Variants in CLCN4 observed in about 807,000 individuals in gnomAD.
CLCN4 encodes Cl-/H+ antiporter 4.
A neutral mutation model predicts 41.7 loss-of-function variants in CLCN4; 1 was observed. The ratio of observed to expected loss-of-function variants is 0.02; its 90% CI spans 0.01 to 0.11. CLCN4 has a LOEUF of 0.11. Ranked by LOEUF, CLCN4 falls within the 10% of genes least tolerant of loss-of-function variation. The pLI, the probability that CLCN4 is intolerant of heterozygous loss-of-function variation, is 1.00. For missense variants in CLCN4, 287 were observed against 661.0 expected, an observed-to-expected ratio of 0.43 and a Z score of 6.20; for synonymous variants, 277 against 285.8, an observed-to-expected ratio of 0.97 and a Z score of 0.31.
intron 2 of CLCN4, among the ~76,000 whole-genome samples, chrX:10,161,004 A>G (rs1923080467): frequency 9.1e-6 from 1 of 110,432 alleles, no homozygotes; most frequent in Non-Finnish European, 1.9e-5. Flanking sequence ...CATGTTTACT[A>G]TGTGTGTGTA....
intron 8 of CLCN4, among the ~76,000 whole-genome samples, chrX:10,207,653 T>A (rs1924431581): frequency 8.9e-6 from 1 of 112,288 alleles, no homozygotes; most frequent in Non-Finnish European, 1.9e-5. Flanking sequence ...CATTCTTAAC[T>A]CATGTGCCAT....
chrX:10,176,854 G>A (rs1923545109), intron 2 of CLCN4, among the ~76,000 whole-genome samples: 1 of 112,382 alleles, frequency 8.9e-6, no homozygotes, highest in African/African-American at 3.2e-5. Flanking sequence ...AGGACAGAGG[G>A]AACAGGTGGA....
intron 10 of CLCN4, 145 bp downstream of exon 10, chrX:10,212,798 C>A: frequency 2.1e-6 from 1 of 470,615 alleles, no homozygotes; most frequent in African/African-American, 2.7e-5. Flanking sequence ...CCCTAAATCA[C>A]AATGGCTTAA....
In CLCN4 at chrX:10,204,613, C is replaced by CTTTTTTTTTTTTTTTTTTTTTTT. The variant is rs61453535; in HGVS notation, c.556-1731_556-1709dup. ...CTATTCTCACCAGAAAGCTAGTAGT[C>CTTTTTTTTTTTTTTTTTTTTTTT]TTTTTTTTTTTTTTTTTTTTTTTTT... On this transcript the variant is annotated intron_variant, in intron 6 of 12. Coordinates refer to ENST00000380833, the MANE Select transcript of CLCN4 (RefSeq NM_001830.4). Among the ~76,000 whole-genome samples the CTTTTTTTTTTTTTTTTTTTTTTT allele has an allele frequency of 1.5e-4, 4 of 27,349 alleles. 1 individual carries two copies. The highest frequency in any genetic ancestry group is 1.8e-4 in the Non-Finnish European group (2 of 10,921). The allele number at this position is 27,349 out of a possible 115,157, so 23.7% of individuals were successfully genotyped here. A position where few individuals can be genotyped will look rare whatever the true frequency, so the allele number is the denominator to read the frequency against.
chrX:10,170,718 A>C (rs1923365823), intron 2 of CLCN4, among the ~76,000 whole-genome samples: 1 of 111,732 alleles, frequency 8.9e-6, no homozygotes, highest in African/African-American at 3.3e-5. Context: ...CAAGCTGAAG[A>C]ACCACTGGTT....
Position 10,233,919 on chromosome X carries a change from C to T in CLCN4, c.*335C>T, listed in dbSNP as rs1925185360. 10 of 167,524 alleles carry T rather than the reference C, an allele frequency of 6.0e-5. 1 individual carries two copies. In the South Asian group the frequency reaches 1.5e-3, roughly 25 times the overall value. 13.8% of individuals were successfully genotyped at this position (167,524 alleles called of 1,213,427 possible). A position where few individuals can be genotyped will look rare whatever the true frequency, so the allele number is the denominator to read the frequency against. ...ATGCTGACTCAAGAAACTTTTACTC[C>T]TTCTGCTCAAGGCTGATGTTTGTAA... On this transcript the variant is annotated 3_prime_UTR_variant, in exon 13 of 13. Coordinates refer to ENST00000380833, the MANE Select transcript of CLCN4 (RefSeq NM_001830.4).
At position 10,235,720 on chromosome X, in the gene CLCN4, G is replaced by T. The variant is rs1006759930; in HGVS notation, c.*2136G>T. The T allele has an allele frequency of 8.9e-6, 1 of 112,355 alleles. No homozygotes were observed. Among genetic ancestry groups the T allele is most frequent in the East Asian group, 2.8e-4 (1 of 3,591 alleles). 9.3% of individuals were successfully genotyped at this position (112,355 alleles called of 1,213,427 possible). Reference sequence around the variant, plus strand: ...TTTTCTCCAGGTTAAGAAATTTTAAGTCAGATCATGCTGACACAATAAGAA... The same window carrying T: ...TTTTCTCCAGGTTAAGAAATTTTAATTCAGATCATGCTGACACAATAAGAA... On this transcript the variant is annotated 3_prime_UTR_variant, in exon 13 of 13. Coordinates refer to ENST00000380833, the MANE Select transcript of CLCN4 (RefSeq NM_001830.4).
chrX:10,213,297 CCT>C (rs1421248921), intron 10 of CLCN4, among the ~76,000 whole-genome samples: 1 of 112,067 alleles, frequency 8.9e-6, no homozygotes, highest in African/African-American at 3.2e-5. Flanking sequence ...GGGTCTGTCC[CCT>C]GTCTATAGTC....
intron 3 of CLCN4, among the ~76,000 whole-genome samples, chrX:10,186,546 G>C (rs1286487143): frequency 9.0e-6 from 1 of 111,625 alleles, no homozygotes; most frequent in Non-Finnish European, 1.9e-5. Flanking sequence ...TGAGGGGAGA[G>C]CTGCTTCAGA....
At chrX:10,223,760 A>G (rs989746855) in intron 12 of CLCN4, among the ~76,000 whole-genome samples, 4 of 111,589 alleles carry the variant, frequency 3.6e-5, no homozygotes, top group Admixed American at 9.5e-5. Flanking sequence ...GATTTTCCCT[A>G]TGAAAGTTCT....
rs753359289 is a variant in CLCN4, at chrX:10,208,253, G to A, written c.1052G>A (p.Arg351His). ...FGGLWGTLFI[R>H]CNIAWCRRRK... ...GGCTTGTGGGGAACCCTCTTCATCCGCTGCAACATCGCCTGGTGCAGGAGG... is the reference window on the plus strand; with the variant it reads ...GGCTTGTGGGGAACCCTCTTCATCCACTGCAACATCGCCTGGTGCAGGAGG... Residue 351 changes from arginine (R) to histidine (H), a missense_variant, in exon 9 of 13, where the codon CGC becomes CAC. Around this residue, in one of 6 missense-constraint regions of CLCN4, gnomAD observed 94 missense variants for 177.9 expected, o/e 0.53. Coordinates refer to ENST00000380833, the MANE Select transcript of CLCN4 (RefSeq NM_001830.4). The A allele has an allele frequency of 1.7e-5, 21 of 1,208,970 alleles. No individual in the cohort carries two copies. The highest frequency in any genetic ancestry group is 6.6e-5 in the Admixed American group (3 of 45,617).
chrX:10,199,928 T>A (rs1252923962), intron 6 of CLCN4, among the ~76,000 whole-genome samples: 1 of 111,087 alleles, frequency 9.0e-6, no homozygotes, highest in Non-Finnish European at 1.9e-5. Flanking sequence ...CTGGCTAATT[T>A]TTTTTTTGGT....
At chrX:10,166,132 C>G (rs1403372264) in intron 2 of CLCN4, among the ~76,000 whole-genome samples, 1 of 112,233 alleles carries the variant, frequency 8.9e-6, no homozygotes, top group African/African-American at 3.2e-5. Flanking sequence ...CCCACCTGCA[C>G]TGTCTTCAGC....
intron 12 of CLCN4, 40 bp downstream of exon 12, chrX:10,220,917 A>G (rs1300043507): frequency 3.7e-6 from 4 of 1,087,514 alleles, no homozygotes; most frequent in Non-Finnish European, 5.1e-6. Flanking sequence ...CCTAGGGAGA[A>G]AAAGATGAGT....
intron 4 of CLCN4, among the ~76,000 whole-genome samples, chrX:10,194,545 A>T (rs1199836091): frequency 9.0e-6 from 1 of 111,529 alleles, no homozygotes; most frequent in Admixed American, 9.5e-5. Flanking sequence ...AATGTGTGTG[A>T]TTCTAGGATC....
chrX:10,173,033 C>T (rs1045107758), intron 2 of CLCN4, among the ~76,000 whole-genome samples: 4 of 111,356 alleles, frequency 3.6e-5, no homozygotes, highest in African/African-American at 9.8e-5. Flanking sequence ...AGTCTGATGA[C>T]GATCACGGTA....
At chrX:10,202,647 A>T (rs1376190933) in intron 6 of CLCN4, among the ~76,000 whole-genome samples, 3 of 93,490 alleles carry the variant, frequency 3.2e-5, no homozygotes, top group African/African-American at 1.4e-4. Context: ...TCAAAAAAAA[A>T]AAAAAAAAAA....
chrX:10,174,955 GT>G (rs1923479653), intron 2 of CLCN4, among the ~76,000 whole-genome samples: 1 of 112,119 alleles, frequency 8.9e-6, no homozygotes, highest in African/African-American at 3.2e-5. Flanking sequence ...ACTTCTGCCC[GT>G]TTTTGAACAT....
At position 10,193,626 on chromosome X, in the gene CLCN4, T is replaced by C. The variant is rs754357307; in HGVS notation, c.245-1285T>C. On this transcript the variant is annotated intron_variant, in intron 4 of 12. Coordinates refer to ENST00000380833, the MANE Select transcript of CLCN4 (RefSeq NM_001830.4). ...GCTCTGGAACTGGGGTCAGCAAACT[T>C]TTTCTGCAAGAGGCCAGAGAGTAAA... is the stretch of plus-strand genomic sequence containing the variant. Among the ~76,000 whole-genome samples the C allele has an allele frequency of 2.7e-5, 3 of 111,803 alleles. No homozygotes were observed. The South Asian group carries it at 1.1e-3, about 42-fold the overall frequency.
Sources: gnomAD v4.1 joint callset for allele counts (sites outside exome capture counted in the v4.1 genomes callset) on GRCh38, gnomAD v4.1.1 for gene constraint, gnomAD v4.1.1 regional missense constraint, MANE v1.5 for transcripts, NCBI Gene and HGNC (gene_info 2026-07-23, HGNC 2026-07-21) for gene names.